BMPR1A: variants seen among roughly 807,000 people sequenced by gnomAD.
The protein encoded by BMPR1A is bone morphogenetic protein receptor type 1A.
BMPR1A carries 7 observed loss-of-function variants against 66.0 expected under a neutral mutation model. The ratio of observed to expected loss-of-function variants is 0.11; its 90% confidence interval spans 0.06 to 0.20. BMPR1A has a LOEUF of 0.20. Ranked by LOEUF, BMPR1A falls within the 10% of genes least tolerant of loss-of-function variation. BMPR1A has a pLI of 1.00. For missense variants in BMPR1A, 408 were observed against 669.1 expected (o/e 0.61, Z 4.31); for synonymous variants, 200 against 229.7 (o/e 0.87, Z 1.17).
In BMPR1A at chr10:86,809,528, A is replaced by G. The variant is rs528418874; in HGVS notation, c.-267-29337A>G. ...AGTCTGGTCTTGAATTCCTGGGCTC[A>G]AGTGATCCTCCTGCCTCAGTCTTCC... On this transcript the variant is annotated intron_variant, in intron 1 of 12. Transcript: ENST00000372037. Among the ~76,000 whole-genome samples, 9 of 151,382 alleles carry G rather than the reference A, an allele frequency of 5.9e-5. No individual in the cohort carries two copies. The South Asian group carries it at 1.9e-3, about 32-fold the overall frequency.
downstream of BMPR1A, chr10:86,928,169 G>T (rs1843770927): frequency 1.3e-5 from 2 of 155,460 alleles, no homozygotes; most frequent in Admixed American, 1.3e-4. Flanking sequence ...ACCTATCACG[G>T]TGCAGGGGTT....
rs1288675365 is a variant in BMPR1A at position 86,798,137 on chromosome 10, T to A, written c.-267-40728T>A. ...TTGTATCATTCTTATATAAGCATAT[T>A]TGTAAGACTTTTAGAGGTATTCCTT... On this transcript the variant is annotated intron_variant, in intron 1 of 12. Coordinates refer to ENST00000372037, the MANE Select transcript of BMPR1A (RefSeq NM_004329.3). Among the ~76,000 whole-genome samples the A allele has an allele frequency of 2.0e-5, 3 of 151,612 alleles. No homozygotes were observed. In the East Asian group the frequency reaches 5.9e-4, roughly 30 times the overall value.
At chr10:86,917,042 A>G in intron 8 of BMPR1A, 92 bp from the exon 9 acceptor site, 1 of 1,390,676 alleles carries the variant, frequency 7.2e-7, no homozygotes. Context: ...GGTTGGGTAC[A>G]CCATGCTTTT....
rs893784053 is a variant in BMPR1A, at chr10:86,925,958, A to G, written c.*2239A>G. On this transcript the variant is annotated 3_prime_UTR_variant, in exon 13 of 13. Coordinates refer to ENST00000372037, the MANE Select transcript of BMPR1A (RefSeq NM_004329.3). ...TAGCCAGGATGGTCTCAATCTCCTG[A>G]CCTCATGATCCACCTGCCTCGGCCT... The G allele has an allele frequency of 8.3e-5, 14 of 167,894 alleles. No homozygotes were observed. The highest frequency in any genetic ancestry group is 1.4e-4 in the Non-Finnish European group (11 of 77,180). 10.4% of individuals were successfully genotyped at this position (167,894 alleles called of 1,614,324 possible).
At chr10:86,867,413 G>C (rs541955422) in intron 2 of BMPR1A, among the ~76,000 whole-genome samples, 130 of 152,314 alleles carry the variant, frequency 8.5e-4, no homozygotes, top group African/African-American at 3.1e-3. Context: ...TCCCTTTCCA[G>C]ACAGTTCTGC....
intron 1 of BMPR1A, among the ~76,000 whole-genome samples, chr10:86,818,041 C>T (rs551478767): frequency 3.9e-5 from 6 of 152,212 alleles, no homozygotes; most frequent in East Asian, 1.9e-4. Flanking sequence ...TTTTTCGAGA[C>T]GGAGTCTCAC....
chr10:86,782,379 C>T (rs541296978), intron 1 of BMPR1A, among the ~76,000 whole-genome samples: 4 of 152,042 alleles, frequency 2.6e-5, no homozygotes, highest in Non-Finnish European at 5.9e-5. Context: ...ATCTGGTATT[C>T]CATTTTAAAT....
At chr10:86,864,030 G>A (rs1842747794) in intron 2 of BMPR1A, among the ~76,000 whole-genome samples, 1 of 152,176 alleles carries the variant, frequency 6.6e-6, no homozygotes, top group African/African-American at 2.4e-5. Flanking sequence ...AGATTTAATA[G>A]TGTTGCCACT....
intron 2 of BMPR1A, among the ~76,000 whole-genome samples, chr10:86,842,185 C>A (rs1242918283): frequency 6.6e-6 from 1 of 152,086 alleles, no homozygotes; most frequent in African/African-American, 2.4e-5. Context: ...GATGCTGTCT[C>A]CAGGTGGGTA....
At chr10:86,775,891 C>CTT (rs1841340728) in intron 1 of BMPR1A, among the ~76,000 whole-genome samples, 2 of 152,072 alleles carry the variant, frequency 1.3e-5, no homozygotes, top group Non-Finnish European at 2.9e-5. Flanking sequence ...TGCAGCTTGC[C>CTT]TTTTTCACCT....
intron 2 of BMPR1A, among the ~76,000 whole-genome samples, chr10:86,840,666 T>C (rs1226800950): frequency 2.0e-5 from 3 of 152,178 alleles, no homozygotes; most frequent in Non-Finnish European, 2.9e-5. Flanking sequence ...TGGCTCAGCT[T>C]AGTGCCTCAG....
intron 5 of BMPR1A, 91 bp from the exon 6 acceptor site, chr10:86,899,703 T>G: frequency 7.5e-7 from 1 of 1,341,938 alleles, no homozygotes; most frequent in Non-Finnish European, 1.0e-6. Flanking sequence ...TTTCACTCAC[T>G]GAAATAGAAA....
chr10:86,865,334 T>TCCACCACAAAAGAAGTGAAAATGGCC (rs1327561853), intron 2 of BMPR1A, among the ~76,000 whole-genome samples: 2 of 152,122 alleles, frequency 1.3e-5, no homozygotes, highest in African/African-American at 4.8e-5. Flanking sequence ...GTGATGACAT[T>TCCACCACAAAAGAAGTGAAAATGGCC]ACCTTGTGAA....
At chr10:86,810,499 T>C (rs376717261) in intron 1 of BMPR1A, among the ~76,000 whole-genome samples, 1 of 152,246 alleles carries the variant, frequency 6.6e-6, no homozygotes, top group East Asian at 1.9e-4. Flanking sequence ...TGGTTTTCTT[T>C]TCCAAAATGG....
rs761345582 is a variant in BMPR1A at position 86,917,372 on chromosome 10, T to TGA, written c.868+48_868+49dup. The TGA allele has an allele frequency of 3.1e-6, 5 of 1,606,728 alleles. No homozygotes were observed. The Admixed American group carries it at 8.4e-5, about 27-fold the overall frequency. On this transcript the variant is annotated intron_variant, in intron 9 of 12. Coordinates refer to ENST00000372037, the MANE Select transcript of BMPR1A (RefSeq NM_004329.3). ...TCAATTTCATTTTTGACAAGGCTAG[T>TGA]GAGGTACAGGTGGAAGCCTCCATAT...
At chr10:86,842,967 G>C (rs1842445183) in intron 2 of BMPR1A, among the ~76,000 whole-genome samples, 1 of 152,176 alleles carries the variant, frequency 6.6e-6, no homozygotes, top group Non-Finnish European at 1.5e-5. Flanking sequence ...AATTCAAGAG[G>C]AGATTTGGGT....
chr10:86,910,407 A>G (rs933106999), intron 7 of BMPR1A, among the ~76,000 whole-genome samples: 1 of 152,210 alleles, frequency 6.6e-6, no homozygotes. Flanking sequence ...ACAGTGGAAT[A>G]CTATCTAGCC....
At chr10:86,915,526 C>T (rs536511636) in intron 8 of BMPR1A, among the ~76,000 whole-genome samples, 3 of 151,762 alleles carry the variant, frequency 2.0e-5, no homozygotes, top group Admixed American at 6.6e-5. Context: ...GTCAGGTGTT[C>T]GAGACCAGTC....
At chr10:86,840,174 A>G (rs1842405630) in intron 2 of BMPR1A, among the ~76,000 whole-genome samples, 1 of 152,154 alleles carries the variant, frequency 6.6e-6, no homozygotes, top group Non-Finnish European at 1.5e-5. Flanking sequence ...TTTAAGAAAT[A>G]GATAGAATGT....
Sources: gnomAD v4.1 joint callset for allele counts (sites outside exome capture counted in the v4.1 genomes callset) on GRCh38, gnomAD v4.1.1 for gene constraint, MANE v1.5 for transcripts, NCBI Gene and HGNC (gene_info 2026-07-23, HGNC 2026-07-21) for gene names.